The following DNAJC11 variants were observed in gnomAD, a reference collection of about 807,000 sequenced individuals.
DNAJC11 encodes the protein DnaJ heat shock protein family (Hsp40) member C11.
Under a neutral mutation model 78.6 loss-of-function variants are expected in DNAJC11, and 15 were observed. The observed-to-expected ratio is 0.19, with a 90% CI of 0.13 to 0.29. DNAJC11 has a LOEUF of 0.29. Among genes scored for constraint, DNAJC11 ranks in the 10% least tolerant of loss-of-function variants. DNAJC11 has a pLI of 1.00. For missense variants in DNAJC11, 547 were observed against 709.6 expected, an observed-to-expected ratio of 0.77 and a Z score of 2.60; for synonymous variants, 292 against 272.1, an observed-to-expected ratio of 1.07 and a Z score of -0.72.
chr1:6,662,118 ATTGT>A (rs1642223273), intron 4 of DNAJC11, among the ~76,000 whole-genome samples: 25 of 132,020 alleles, frequency 1.9e-4, no homozygotes, highest in African/African-American at 6.9e-4. Flanking sequence ...TGCCCAGTTA[ATTGT>A]TTTTTGTTTT....
intron 12 of DNAJC11, chr1:6,638,043 G>T (rs1269251922): frequency 4.6e-6 from 2 of 433,650 alleles, no homozygotes. Flanking sequence ...TCAGTAAAAG[G>T]CAGAACACTC....
At chr1:6,637,613 GC>G (rs1641801981) in intron 12 of DNAJC11, 109 bp from the exon 13 acceptor site, 1 of 1,292,556 alleles carries the variant, frequency 7.7e-7, no homozygotes, top group Non-Finnish European at 1.1e-6. Flanking sequence ...CTTGCTCAGG[GC>G]CTGGAAAGGA....
chr1:6,695,361 T>C (rs1642818190), intron 1 of DNAJC11, among the ~76,000 whole-genome samples: 1 of 151,822 alleles, frequency 6.6e-6, no homozygotes, highest in Non-Finnish European at 1.5e-5. Context: ...AATAACAATA[T>C]ATATTAACTA....
intron 1 of DNAJC11, among the ~76,000 whole-genome samples, chr1:6,699,448 T>C (rs937791032): frequency 2.0e-5 from 3 of 152,262 alleles, no homozygotes; most frequent in East Asian, 3.8e-4. Flanking sequence ...CTTGATCATC[T>C]GCAGCAGCTG....
chr1:6,657,801 C>T (rs907919483), intron 4 of DNAJC11, among the ~76,000 whole-genome samples: 58 of 151,870 alleles, frequency 3.8e-4, no homozygotes, highest in African/African-American at 7.5e-4. Context: ...CCTGCCACCA[C>T]GCCCGGCTAA....
intron 3 of DNAJC11, among the ~76,000 whole-genome samples, chr1:6,676,786 C>G (rs534840126): frequency 6.6e-6 from 1 of 152,184 alleles, no homozygotes; most frequent in Admixed American, 6.6e-5. Flanking sequence ...ATAGGATCCT[C>G]TTTTGCTTTT....
At chr1:6,655,928 C>T (rs1311478823) in intron 4 of DNAJC11, among the ~76,000 whole-genome samples, 4 of 151,638 alleles carry the variant, frequency 2.6e-5, no homozygotes, top group Non-Finnish European at 1.5e-5. Flanking sequence ...ATGGTGAAAC[C>T]CCATCTCTAC....
chr1:6,636,380 AAAAG>A, intron 14 of DNAJC11, 134 bp from the exon 15 acceptor site: 2 of 1,334,604 alleles, frequency 1.5e-6, no homozygotes, highest in South Asian at 1.4e-5. Flanking sequence ...GGCATGAAGA[AAAAG>A]AAACAAGAAT....
At chr1:6,646,481 G>A (rs962008196) in intron 7 of DNAJC11, among the ~76,000 whole-genome samples, 1 of 152,152 alleles carries the variant, frequency 6.6e-6, no homozygotes, top group Admixed American at 6.6e-5. Context: ...ATGTGCAGTA[G>A]AGTTTGAGAA....
chr1:6,662,793 G>A (rs1642237622), intron 4 of DNAJC11, among the ~76,000 whole-genome samples: 1 of 150,238 alleles, frequency 6.7e-6, no homozygotes, highest in Non-Finnish European at 1.5e-5. Flanking sequence ...GCAGGACATA[G>A]GCAGGGACAA....
At chr1:6,700,674 G>A (rs866926289) in intron 1 of DNAJC11, among the ~76,000 whole-genome samples, 1 of 152,164 alleles carries the variant, frequency 6.6e-6, no homozygotes, top group African/African-American at 2.4e-5. Context: ...ACAGTACAAA[G>A]TTCATTCAGC....
chr1:6,637,355 C>T lies in DNAJC11; in HGVS notation c.1382-15G>A, dbSNP rs778704509. On this transcript the variant is annotated splice_polypyrimidine_tract_variant and intron_variant, in intron 13 of 15. Coordinates refer to ENST00000377577, the MANE Select transcript of DNAJC11 (RefSeq NM_018198.4). ...GATGATGAGGCCTAAGGACAGACTC[C>T]GAGTAGAGGAAGGCCTCCTCCAGGC... 2.5e-6 allele frequency: 4 copies of T among 1,614,192 alleles called. No homozygotes were observed. Among genetic ancestry groups the T allele is most frequent in the Middle Eastern group, 1.6e-4 (1 of 6,062 alleles).
chr1:6,687,761 C>G (rs1642680935), intron 1 of DNAJC11, among the ~76,000 whole-genome samples: 1 of 152,094 alleles, frequency 6.6e-6, no homozygotes, highest in South Asian at 2.1e-4. Context: ...TTTGGAAAGT[C>G]TGGAAATATG....
In DNAJC11 at chr1:6,691,188, G is replaced by GGA. The variant is rs1553131467; in HGVS notation, c.73-10152_73-10151insTC. Among the ~76,000 whole-genome samples, 36 of 125,196 alleles carry GGA rather than the reference G, an allele frequency of 2.9e-4. 1 individual carries two copies. Among genetic ancestry groups the GGA allele is most frequent in the African/African-American group, 1.1e-3 (35 of 32,600 alleles). 82.1% of individuals were successfully genotyped at this position (125,196 alleles called of 152,430 possible). On this transcript the variant is annotated intron_variant, in intron 1 of 15. Transcript: ENST00000377577. ...TAGTAACAACAGAATCCCAAAGACTGAAAAAAAAAAAAAAAAGCAGGAAGC... is the reference window on the plus strand; with the variant it reads ...TAGTAACAACAGAATCCCAAAGACTGGAAAAAAAAAAAAAAAAAGCAGGAAGC...
chr1:6,661,316 C>T (rs765065337), intron 4 of DNAJC11, among the ~76,000 whole-genome samples: 54 of 152,300 alleles, frequency 3.5e-4, no homozygotes, highest in Middle Eastern at 6.8e-3. Flanking sequence ...GCACTCATGA[C>T]GCTTCCCACA....
chr1:6,676,470 A>G (rs993034166), intron 3 of DNAJC11, among the ~76,000 whole-genome samples: 1 of 152,018 alleles, frequency 6.6e-6, no homozygotes, highest in African/African-American at 2.4e-5. Flanking sequence ...GCTTCAGGCT[A>G]GGAGTTTGAG....
rs566176860 is a variant in DNAJC11 at position 6,634,493 on chromosome 1, C to A, written c.*1182G>T. 6.7e-6 allele frequency: 9 copies of A among 1,338,582 alleles called. No homozygotes were observed. The South Asian group carries it at 1.1e-4, about 16-fold the overall frequency. The allele number at this position is 1,338,582 out of a possible 1,614,324, so 82.9% of individuals were successfully genotyped here. On this transcript the variant is annotated 3_prime_UTR_variant, in exon 16 of 16. Coordinates refer to ENST00000377577, the MANE Select transcript of DNAJC11 (RefSeq NM_018198.4). ...CAACAGCTGTGGGTGGGCTGGAGGC[C>A]GGCGCAGCTTGGGGCCCCCCGCGCC...
chr1:6,681,150 C>T (rs563138115), intron 1 of DNAJC11, 113 bp from the exon 2 acceptor site: 20 of 1,130,964 alleles, frequency 1.8e-5, no homozygotes, highest in African/African-American at 1.5e-4. Flanking sequence ...TGTTTGCTCT[C>T]GACATACAGG....
chr1:6,677,175 C>CA (rs1029455526), intron 3 of DNAJC11, among the ~76,000 whole-genome samples: 6 of 105,972 alleles, frequency 5.7e-5, no homozygotes, highest in Admixed American at 1.2e-4. Context: ...AAAAAAAAAA[C>CA]AAAAAAAACG....
Sources: allele counts gnomAD v4.1 joint callset (sites outside exome capture counted in the v4.1 genomes callset), GRCh38; gene constraint gnomAD v4.1.1; transcripts MANE v1.5; gene names NCBI Gene and HGNC (gene_info 2026-07-23, HGNC 2026-07-21).